ANKRD13C: variants seen among roughly 807,000 people sequenced by gnomAD.
ANKRD13C encodes the protein ankyrin repeat domain-containing protein 13C.
In ANKRD13C, 16 loss-of-function variants were observed where a neutral mutation model predicts 65.5. The observed-to-expected ratio is 0.24, with a 90% CI of 0.17 to 0.37. ANKRD13C has a LOEUF of 0.37. Among genes scored for constraint, ANKRD13C ranks in the 10% least tolerant of loss-of-function variants. ANKRD13C has a pLI of 1.00. For missense variants in ANKRD13C, 503 were observed against 655.9 expected (o/e 0.77, Z 2.55); for synonymous variants, 235 against 238.7 (o/e 0.98, Z 0.14).
chr1:70,301,686 T>G (rs1411305003), intron 6 of ANKRD13C, among the ~76,000 whole-genome samples: 1 of 152,244 alleles, frequency 6.6e-6, no homozygotes, highest in Non-Finnish European at 1.5e-5. Context: ...GTGTGTTTAC[T>G]GTTCTCTTTG....
At chr1:70,319,640 C>A (rs1401911740) in intron 3 of ANKRD13C, among the ~76,000 whole-genome samples, 1 of 142,056 alleles carries the variant, frequency 7.0e-6, no homozygotes, top group Non-Finnish European at 1.5e-5. Context: ...CATATTGTTC[C>A]CTAGCATATG....
rs1678340287 is a variant in ANKRD13C at position 70,260,172 on chromosome 1, A to C, written c.*2545T>G. ...AGCAGACAGATGTGACAGTTTCCAAACCATCATCTGTACTTCTTATACTCA... is the reference window on the plus strand; with the variant it reads ...AGCAGACAGATGTGACAGTTTCCAACCCATCATCTGTACTTCTTATACTCA... On this transcript the variant is annotated 3_prime_UTR_variant, in exon 13 of 13. Coordinates refer to ENST00000370944, the MANE Select transcript of ANKRD13C (RefSeq NM_030816.5). Among the ~76,000 whole-genome samples the C allele has an allele frequency of 6.6e-6, 1 of 152,172 alleles. No homozygotes were observed. The highest frequency in any genetic ancestry group is 2.1e-4 in the South Asian group (1 of 4,836).
intron 11 of ANKRD13C, among the ~76,000 whole-genome samples, chr1:70,273,843 A>G (rs992971746): frequency 6.6e-6 from 1 of 151,954 alleles, no homozygotes; most frequent in African/African-American, 2.4e-5. Flanking sequence ...TTTAGTAGAG[A>G]TAGGGTTTCA....
chr1:70,287,890 C>G (rs540058418), intron 9 of ANKRD13C, among the ~76,000 whole-genome samples: 1 of 152,156 alleles, frequency 6.6e-6, no homozygotes, highest in Non-Finnish European at 1.5e-5. Flanking sequence ...CATGGTGATG[C>G]ATGCGTGTAA....
At chr1:70,316,781 A>C (rs1425933662) in intron 3 of ANKRD13C, among the ~76,000 whole-genome samples, 2 of 152,188 alleles carry the variant, frequency 1.3e-5, no homozygotes, top group Non-Finnish European at 2.9e-5. Flanking sequence ...AAAATAAGAA[A>C]AAATATTAGA....
intron 6 of ANKRD13C, among the ~76,000 whole-genome samples, chr1:70,303,743 A>T (rs1680473168): frequency 6.6e-6 from 1 of 152,234 alleles, no homozygotes; most frequent in African/African-American, 2.4e-5. Context: ...AAATGGTGTT[A>T]AAAAATTGTC....
At chr1:70,319,425 G>C (rs1681209424) in intron 3 of ANKRD13C, among the ~76,000 whole-genome samples, 1 of 152,028 alleles carries the variant, frequency 6.6e-6, no homozygotes. Context: ...GGCCAACATA[G>C]TGAAACCCCG....
chr1:70,271,653 A>G (rs1678887360), intron 11 of ANKRD13C, among the ~76,000 whole-genome samples: 1 of 152,182 alleles, frequency 6.6e-6, no homozygotes, highest in Admixed American at 6.5e-5. Context: ...GGCTGATTTT[A>G]TCCCTTTTCT....
chr1:70,281,729 G>T (rs182892482), intron 9 of ANKRD13C, among the ~76,000 whole-genome samples: 10 of 151,882 alleles, frequency 6.6e-5, no homozygotes, highest in Admixed American at 5.9e-4. Context: ...TGGAATGTGA[G>T]CAGAGTGATG....
intron 2 of ANKRD13C, among the ~76,000 whole-genome samples, chr1:70,331,011 G>T (rs1197929061): frequency 6.6e-6 from 1 of 152,118 alleles, no homozygotes; most frequent in Non-Finnish European, 1.5e-5. Flanking sequence ...GTCTTCTGTG[G>T]TGAAAAACTA....
At chr1:70,330,441 C>T (rs1028156639) in intron 2 of ANKRD13C, among the ~76,000 whole-genome samples, 8 of 151,560 alleles carry the variant, frequency 5.3e-5, no homozygotes, top group African/African-American at 1.9e-4. Context: ...GCCTGTAATC[C>T]CGGCTGCTCA....
intron 3 of ANKRD13C, 81 bp from the exon 4 acceptor site, chr1:70,315,647 T>C (rs1681041717): frequency 9.4e-7 from 1 of 1,064,222 alleles, no homozygotes; most frequent in Non-Finnish European, 1.4e-6. Context: ...TACATATAGA[T>C]AGATAATACA....
At position 70,261,341 on chromosome 1, in the gene ANKRD13C, A is replaced by G. The variant is rs1473093512; in HGVS notation, c.*1376T>C. 1.3e-5 allele frequency: 2 copies of G among 152,068 alleles called. No homozygotes were observed. The allele number at this position is 152,068 out of a possible 1,614,324, so 9.4% of individuals were successfully genotyped here. ...CTAAACTCCTTTCAAATTACCTAAA[A>G]TCCTGAAAAAAGTTTAAGCTACTGG... On this transcript the variant is annotated 3_prime_UTR_variant, in exon 13 of 13. Transcript: ENST00000370944.
intron 1 of ANKRD13C, among the ~76,000 whole-genome samples, chr1:70,339,981 C>T (rs1357573262): frequency 6.6e-6 from 1 of 151,592 alleles, no homozygotes; most frequent in Non-Finnish European, 1.5e-5. Flanking sequence ...TCCCAAGTAG[C>T]TGGGATTACA....
At chr1:70,324,994 C>A in intron 2 of ANKRD13C, 37 bp from the exon 3 acceptor site, 1 of 1,416,042 alleles carries the variant, frequency 7.1e-7, no homozygotes, top group Non-Finnish European at 9.8e-7. Context: ...AAACATCATG[C>A]AATTTTTAGA....
chr1:70,330,902 T>C (rs1681766470), intron 2 of ANKRD13C, among the ~76,000 whole-genome samples: 1 of 152,186 alleles, frequency 6.6e-6, no homozygotes, highest in Non-Finnish European at 1.5e-5. Context: ...CTTACTTAAG[T>C]ATAATATTCT....
chr1:70,270,577 C>T (rs1183876490), intron 12 of ANKRD13C, among the ~76,000 whole-genome samples: 1 of 152,010 alleles, frequency 6.6e-6, no homozygotes, highest in Non-Finnish European at 1.5e-5. Context: ...TCATAAGGAG[C>T]GTGCAACCTA....
intron 1 of ANKRD13C, among the ~76,000 whole-genome samples, chr1:70,344,161 G>GGT (rs2101621903): frequency 6.6e-6 from 1 of 152,116 alleles, no homozygotes; most frequent in East Asian, 1.9e-4. Flanking sequence ...AGCCAGGTGT[G>GGT]GTGGCAGGCG....
intron 12 of ANKRD13C, 26 bp downstream of exon 12, chr1:70,270,830 A>C: frequency 6.7e-7 from 1 of 1,491,092 alleles, no homozygotes; most frequent in Non-Finnish European, 9.3e-7. Context: ...ATGGACACTA[A>C]AATTATATCT....
Sources: gnomAD v4.1 joint callset for allele counts (sites outside exome capture counted in the v4.1 genomes callset) on GRCh38, gnomAD v4.1.1 for gene constraint, MANE v1.5 for transcripts, NCBI Gene and HGNC (gene_info 2026-07-23, HGNC 2026-07-21) for gene names.